Variants in TTC23 observed in about 807,000 individuals in gnomAD.
The protein encoded by TTC23 is tetratricopeptide repeat protein 23.
Under a neutral mutation model 55.1 loss-of-function variants are expected in TTC23, and 58 were observed. The ratio of observed to expected loss-of-function variants is 1.05; its 90% CI spans 0.85 to 1.31. The LOEUF (loss-of-function observed/expected upper bound fraction) is 1.31, where lower values mean the gene tolerates loss of function less well. Among genes scored for constraint, TTC23 ranks in the 50% most tolerant of loss-of-function variants. TTC23 has a pLI of 0.00. For missense variants in TTC23, 516 were observed against 534.4 expected, an observed-to-expected ratio of 0.97 and a Z score of 0.34; for synonymous variants, 203 against 199.9, an observed-to-expected ratio of 1.02 and a Z score of -0.13.
intron 3 of TTC23, among the ~76,000 whole-genome samples, chr15:99,238,291 C>T (rs942774295): frequency 6.6e-6 from 1 of 152,052 alleles, no homozygotes; most frequent in African/African-American, 2.4e-5. Context: ...TTATTCATTC[C>T]ACAACTATTT....
At chr15:99,235,935 T>C (rs2079284426) in intron 3 of TTC23, among the ~76,000 whole-genome samples, 1 of 152,244 alleles carries the variant, frequency 6.6e-6, no homozygotes, top group Non-Finnish European at 1.5e-5. Flanking sequence ...TTATGTCTCT[T>C]AGCATAATGC....
At chr15:99,218,444 G>A (rs1308996727) in intron 8 of TTC23, 144 bp downstream of exon 8, 11 of 1,057,994 alleles carry the variant, frequency 1.0e-5, no homozygotes, top group Middle Eastern at 2.1e-4. Context: ...TGACATGACT[G>A]TGTTCCTCTT....
At chr15:99,159,123 A>C (rs2071014863) in intron 11 of TTC23, 1 of 152,324 alleles carries the variant, frequency 6.6e-6, no homozygotes, top group Non-Finnish European at 1.5e-5. Context: ...AGTGAGGTGC[A>C]TCTTTTGATC....
intron 9 of TTC23, among the ~76,000 whole-genome samples, chr15:99,176,612 T>A (rs1346062924): frequency 6.6e-6 from 1 of 152,126 alleles, no homozygotes; most frequent in Non-Finnish European, 1.5e-5. Context: ...GACCCTGTCA[T>A]ACACAAATAC....
At chr15:99,241,159 C>A (rs938512667) in intron 3 of TTC23, among the ~76,000 whole-genome samples, 3 of 151,932 alleles carry the variant, frequency 2.0e-5, no homozygotes, top group African/African-American at 7.3e-5. Flanking sequence ...TCTACTAATA[C>A]AAAAAATTAG....
At chr15:99,156,851 C>T (rs537505493) in intron 11 of TTC23, among the ~76,000 whole-genome samples, 4 of 152,288 alleles carry the variant, frequency 2.6e-5, no homozygotes, top group Admixed American at 6.5e-5. Context: ...AGAGAGGACA[C>T]CTGGCAAAAT....
intron 9 of TTC23, among the ~76,000 whole-genome samples, chr15:99,181,665 G>A (rs994883632): frequency 3.3e-5 from 5 of 152,134 alleles, no homozygotes; most frequent in South Asian, 2.1e-4. Context: ...TTGCAGCCCC[G>A]GGTTGCCATT....
chr15:99,156,956 A>C (rs1321074463), intron 11 of TTC23, among the ~76,000 whole-genome samples: 2 of 152,158 alleles, frequency 1.3e-5, no homozygotes, highest in African/African-American at 4.8e-5. Flanking sequence ...ATTGTGCTGA[A>C]CACACACAAT....
intron 10 of TTC23, among the ~76,000 whole-genome samples, chr15:99,167,255 G>C (rs551641466): frequency 6.6e-6 from 1 of 152,318 alleles, no homozygotes; most frequent in African/African-American, 2.4e-5. Flanking sequence ...CCCTGAAACA[G>C]GGTGTAGGTT....
chr15:99,203,055 A>G (rs62025687), intron 8 of TTC23, among the ~76,000 whole-genome samples: 59,934 of 151,990 alleles, frequency 0.39, 12,558 homozygotes, highest in Middle Eastern at 0.58. Flanking sequence ...AATGGGCTCA[A>G]TTGTGATCTG....
intron 9 of TTC23, among the ~76,000 whole-genome samples, chr15:99,191,441 T>C (rs2075244287): frequency 6.6e-6 from 1 of 152,198 alleles, no homozygotes; most frequent in Non-Finnish European, 1.5e-5. Context: ...GATGACTATG[T>C]GCATATTATC....
intron 8 of TTC23, among the ~76,000 whole-genome samples, chr15:99,205,010 G>C (rs1309413698): frequency 6.6e-6 from 1 of 152,132 alleles, no homozygotes; most frequent in Non-Finnish European, 1.5e-5. Flanking sequence ...TCATTCTTAT[G>C]AATATGGATA....
intron 4 of TTC23, among the ~76,000 whole-genome samples, chr15:99,230,396 C>G (rs2078840872): frequency 1.3e-5 from 2 of 151,582 alleles, no homozygotes; most frequent in African/African-American, 4.9e-5. Context: ...CATTTGAGTC[C>G]CTAAAGAAAA....
chr15:99,147,989 G>A (rs12591477), intron 12 of TTC23, among the ~76,000 whole-genome samples: 54,058 of 151,886 alleles, frequency 0.36, 10,192 homozygotes, highest in Middle Eastern at 0.52. Context: ...AAGGCTGTGT[G>A]TATTGGCCTG....
chr15:99,226,328 A>C (rs2078410015), intron 5 of TTC23, among the ~76,000 whole-genome samples: 1 of 152,194 alleles, frequency 6.6e-6, no homozygotes, highest in African/African-American at 2.4e-5. Flanking sequence ...TAGGGAATAA[A>C]CACTGAAGAA....
At chr15:99,152,779 C>T (rs1211282870) in intron 12 of TTC23, among the ~76,000 whole-genome samples, 2 of 151,994 alleles carry the variant, frequency 1.3e-5, no homozygotes, top group Non-Finnish European at 2.9e-5. Context: ...ATGGTGCCAC[C>T]GGTGTAACAA....
At chr15:99,180,394 T>G (rs1413605568) in intron 9 of TTC23, among the ~76,000 whole-genome samples, 1 of 151,286 alleles carries the variant, frequency 6.6e-6, no homozygotes, top group Admixed American at 6.6e-5. Flanking sequence ...CCTCAACCCC[T>G]GCCAAGGCAC....
At chr15:99,146,577 A>G (rs151019343) in intron 12 of TTC23, among the ~76,000 whole-genome samples, 105 of 152,366 alleles carry the variant, frequency 6.9e-4, no homozygotes, top group Middle Eastern at 3.4e-3. Flanking sequence ...TGGTCTGTCC[A>G]GACCCACAGT....
In TTC23 at chr15:99,200,113, A is replaced by G; in HGVS notation, c.582-17T>C. On this transcript the variant is annotated splice_polypyrimidine_tract_variant and intron_variant, in intron 8 of 13. Coordinates refer to ENST00000394132, the MANE Select transcript of TTC23 (RefSeq NM_001288615.3). ...TGATACACCCTAAAAAAATCAAAGGAATTATTTTATTTAATAATTAAAATA... is the reference window on the plus strand; with the variant it reads ...TGATACACCCTAAAAAAATCAAAGGGATTATTTTATTTAATAATTAAAATA... 1 of 1,552,300 alleles carries G rather than the reference A, an allele frequency of 6.4e-7. No individual in the cohort carries two copies. Among genetic ancestry groups the G allele is most frequent in the Non-Finnish European group, 8.7e-7 (1 of 1,153,944 alleles).
Sources: gnomAD v4.1 joint callset for allele counts (sites outside exome capture counted in the v4.1 genomes callset) on GRCh38, gnomAD v4.1.1 for gene constraint, MANE v1.5 for transcripts, NCBI Gene and HGNC (gene_info 2026-07-23, HGNC 2026-07-21) for gene names.